CDC16: variants seen among roughly 807,000 people sequenced by gnomAD.
The protein encoded by CDC16 is cell division cycle 16, also known as cell division cycle protein 16 homolog.
In CDC16, 34 loss-of-function variants were observed where a neutral mutation model predicts 87.0. The ratio of observed to expected loss-of-function variants is 0.39; its 90% CI spans 0.30 to 0.52. CDC16 has a LOEUF of 0.52. Among genes scored for constraint, CDC16 ranks in the 20% least tolerant of loss-of-function variants. The probability of loss-of-function intolerance (pLI) is 0.74; values close to 1 mark genes in which losing one functional copy is unlikely to be tolerated. For missense variants in CDC16, 653 were observed against 751.9 expected, an observed-to-expected ratio of 0.87 and a Z score of 1.54; for synonymous variants, 263 against 260.6, an observed-to-expected ratio of 1.01 and a Z score of -0.09.
In CDC16 at chr13:114,262,859, A is replaced by G; in HGVS notation, c.1377-20A>G. 1 of 1,613,794 alleles carries G rather than the reference A, an allele frequency of 6.2e-7. No homozygotes were observed. The highest frequency in any genetic ancestry group is 8.5e-7 in the Non-Finnish European group (1 of 1,179,728). Reference sequence around the variant, plus strand: ...ATTTAGTGCTTTTACTGTAGCCAATAATTGTGTTCTCTCCCACAGAAAGTA... The same window carrying G: ...ATTTAGTGCTTTTACTGTAGCCAATGATTGTGTTCTCTCCCACAGAAAGTA... On this transcript the variant is annotated intron_variant, in intron 15 of 17. Transcript: ENST00000356221.
intron 1 of CDC16, among the ~76,000 whole-genome samples, chr13:114,235,813 G>A (rs1341693826): frequency 1.3e-5 from 2 of 152,198 alleles, no homozygotes; most frequent in Non-Finnish European, 2.9e-5. Context: ...CAGTCCATTT[G>A]GAGGGCTGTG....
In CDC16 at chr13:114,257,314, C is replaced by T. The variant is rs560963177; in HGVS notation, c.1250+84C>T. ...GATCACTAGAGTTCACTGACAAAAG[C>T]GACTCTTCAGTAGATTTGTACTTTT... On this transcript the variant is annotated intron_variant, in intron 13 of 17. Transcript: ENST00000356221. The T allele has an allele frequency of 2.0e-5, 16 of 811,546 alleles. No individual in the cohort carries two copies. The South Asian group carries it at 2.3e-4, about 12-fold the overall frequency. 50.3% of individuals were successfully genotyped at this position (811,546 alleles called of 1,614,324 possible). A position where few individuals can be genotyped will look rare whatever the true frequency, so the allele number is the denominator to read the frequency against.
intron 15 of CDC16, 23 bp from the exon 16 acceptor site, chr13:114,262,856 A>G (rs2082937968): frequency 6.2e-7 from 1 of 1,613,656 alleles, no homozygotes; most frequent in African/African-American, 1.3e-5. Flanking sequence ...TACTGTAGCC[A>G]ATAATTGTGT....
intron 15 of CDC16, 76 bp from the exon 16 acceptor site, chr13:114,262,803 A>G: frequency 6.8e-7 from 1 of 1,459,922 alleles, no homozygotes; most frequent in Non-Finnish European, 9.6e-7. Flanking sequence ...TTGGGTGTTG[A>G]TATGGATGGT....
At chr13:114,247,333 A>AT (rs112944628) in intron 11 of CDC16, 69,692 of 183,420 alleles carry the variant, frequency 0.38, 14,125 homozygotes, top group African/African-American at 0.64. Flanking sequence ...TGATTTAAAC[A>AT]TTTTTTTTTT....
At chr13:114,260,069 CTGTTT>C (rs2082743960) in intron 14 of CDC16, among the ~76,000 whole-genome samples, 1 of 152,144 alleles carries the variant, frequency 6.6e-6, no homozygotes, top group Non-Finnish European at 1.5e-5. Flanking sequence ...TCATTCGTGC[CTGTTT>C]TGTTTCATTC....
At position 114,250,690 on chromosome 13, in the gene CDC16, C is replaced by T. The variant is rs1272881528; in HGVS notation, c.1097+16C>T. On this transcript the variant is annotated intron_variant, in intron 12 of 17. Coordinates refer to ENST00000356221, the MANE Select transcript of CDC16 (RefSeq NM_001078645.3). ...TGATGAAAGGGTACGGCAGAGCAAA[C>T]TCATCAAACTCCATGAAGGGATGTT... 1 of 1,612,500 alleles carries T rather than the reference C, an allele frequency of 6.2e-7. No homozygotes were observed. The highest frequency in any genetic ancestry group is 8.5e-7 in the Non-Finnish European group (1 of 1,179,184).
At chr13:114,263,529 A>G (rs2082982886) in intron 16 of CDC16, among the ~76,000 whole-genome samples, 1 of 152,248 alleles carries the variant, frequency 6.6e-6, no homozygotes, top group African/African-American at 2.4e-5. Flanking sequence ...ATTTTTTTGT[A>G]CTTAGAGAAA....
chr13:114,251,765 C>G (rs897509305), intron 12 of CDC16, among the ~76,000 whole-genome samples: 1 of 152,174 alleles, frequency 6.6e-6, no homozygotes, highest in Admixed American at 6.5e-5. Context: ...CAGTGCAGTT[C>G]CTATTGAGGA....
At position 114,235,032 on chromosome 13, in the gene CDC16, A is replaced by C. The variant is rs187234058; in HGVS notation, c.-53A>C. ...GCACGGGGCGGGGTGCTTAGGGTGC[A>C]GGAGGCGCGCGCCTAGCGGCGGAGT... is the stretch of plus-strand genomic sequence containing the variant. On this transcript the variant is annotated 5_prime_UTR_variant, in exon 1 of 18. Transcript: ENST00000356221. 4.7e-3 allele frequency: 5,852 copies of C among 1,237,810 alleles called. 236 individuals are homozygous for C. The African/African-American group carries it at 0.084, about 18-fold the overall frequency. 76.7% of individuals were successfully genotyped at this position (1,237,810 alleles called of 1,614,324 possible). A position where few individuals can be genotyped will look rare whatever the true frequency, so the allele number is the denominator to read the frequency against.
chr13:114,255,404 A>T (rs912060065), intron 12 of CDC16, among the ~76,000 whole-genome samples: 1 of 152,136 alleles, frequency 6.6e-6, no homozygotes, highest in Non-Finnish European at 1.5e-5. Flanking sequence ...TGTTACTGGT[A>T]AACCTTACAT....
At position 114,234,989 on chromosome 13, in the gene CDC16, CT is replaced by C. The variant is rs1313520497; in HGVS notation, c.-95del. 6.8e-5 allele frequency: 70 copies of C among 1,029,500 alleles called. No homozygotes were observed. In the Admixed American group the frequency reaches 6.9e-4, roughly 10 times the overall value. The allele number at this position is 1,029,500 out of a possible 1,614,324, so 63.8% of individuals were successfully genotyped here. On this transcript the variant is annotated 5_prime_UTR_variant, in exon 1 of 18. Coordinates refer to ENST00000356221, the MANE Select transcript of CDC16 (RefSeq NM_001078645.3). ...TCGAGTCCTGGGGCGGCGGCGGCGG[CT>C]GCAGGCACGGGCACGGGCACGGGGC...
intron 14 of CDC16, among the ~76,000 whole-genome samples, chr13:114,260,256 A>G (rs1350456772): frequency 6.6e-6 from 1 of 152,188 alleles, no homozygotes; most frequent in Non-Finnish European, 1.5e-5. Flanking sequence ...TTGGTCTCTC[A>G]TGTCATCTGA....
intron 11 of CDC16, among the ~76,000 whole-genome samples, chr13:114,249,422 C>G (rs964302638): frequency 1.3e-5 from 2 of 151,856 alleles, no homozygotes; most frequent in African/African-American, 4.8e-5. Flanking sequence ...CCGCCTGGTT[C>G]CTAATAGGCC....
At chr13:114,245,179 T>C (rs1408125443) in intron 9 of CDC16, among the ~76,000 whole-genome samples, 1 of 152,118 alleles carries the variant, frequency 6.6e-6, no homozygotes, top group Non-Finnish European at 1.5e-5. Flanking sequence ...TAGTTCTTTA[T>C]CACTGCTTCC....
chr13:114,262,867 T>C lies in CDC16; in HGVS notation c.1377-12T>C, dbSNP rs914830058. 5 of 1,614,070 alleles carry C rather than the reference T, an allele frequency of 3.1e-6. No homozygotes were observed. Among genetic ancestry groups the C allele is most frequent in the Middle Eastern group, 1.7e-4 (1 of 6,060 alleles). On this transcript the variant is annotated splice_polypyrimidine_tract_variant and intron_variant, in intron 15 of 17. Coordinates refer to ENST00000356221, the MANE Select transcript of CDC16 (RefSeq NM_001078645.3). Reference sequence around the variant, plus strand: ...CTTTTACTGTAGCCAATAATTGTGTTCTCTCCCACAGAAAGTATGCTGAGG... The same window carrying C: ...CTTTTACTGTAGCCAATAATTGTGTCCTCTCCCACAGAAAGTATGCTGAGG...
At chr13:114,246,437 A>G (rs2081877924) in intron 10 of CDC16, among the ~76,000 whole-genome samples, 2 of 152,216 alleles carry the variant, frequency 1.3e-5, no homozygotes, top group Non-Finnish European at 2.9e-5. Flanking sequence ...TGAATTGTGT[A>G]CTGATTCCAA....
rs1221378293 is a variant in CDC16 at position 114,244,875 on chromosome 13, CG to C, written c.768-14del. On this transcript the variant is annotated splice_polypyrimidine_tract_variant and intron_variant, in intron 8 of 17. Transcript: ENST00000356221. ...TGCTGGTTTGGGGGTAGTAATGTGT[CG>C]CTTTAACTTTCAGAGTAATGGAGAA... The C allele has an allele frequency of 1.9e-6, 3 of 1,586,566 alleles. No individual in the cohort carries two copies. The Admixed American group carries it at 5.1e-5, about 27-fold the overall frequency.
intron 12 of CDC16, among the ~76,000 whole-genome samples, chr13:114,250,986 T>A (rs1224032162): frequency 6.6e-6 from 1 of 152,138 alleles, no homozygotes; most frequent in Non-Finnish European, 1.5e-5. Flanking sequence ...CGAGCAAAAT[T>A]ATTATATCTT....
Sources: gnomAD v4.1 joint callset for allele counts (sites outside exome capture counted in the v4.1 genomes callset) on GRCh38, gnomAD v4.1.1 for gene constraint, MANE v1.5 for transcripts, NCBI Gene and HGNC (gene_info 2026-07-23, HGNC 2026-07-21) for gene names.